Variants in SNTG1 observed in about 807,000 individuals in gnomAD.
SNTG1 encodes gamma-1-syntrophin.
In SNTG1, 39 loss-of-function variants were observed where a neutral mutation model predicts 74.7. The observed-to-expected ratio is 0.52, with a 90% CI of 0.40 to 0.68. SNTG1 has a LOEUF of 0.68. Among genes scored for constraint, SNTG1 ranks in the 30% least tolerant of loss-of-function variants. SNTG1 has a pLI of 0.00. For missense variants in SNTG1, 685 were observed against 609.5 expected, an observed-to-expected ratio of 1.12 and a Z score of -1.30; for synonymous variants, 254 against 217.1, an observed-to-expected ratio of 1.17 and a Z score of -1.49.
Position 50,426,390 on chromosome 8 carries a change from C to T in SNTG1, c.163-12153C>T, listed in dbSNP as rs572096713. Reference sequence around the variant, plus strand: ...TCTAGTTACATCTTAATGATCCTGACCCTGTGTAGGCCTAGGCTAATATGT... The same window carrying T: ...TCTAGTTACATCTTAATGATCCTGATCCTGTGTAGGCCTAGGCTAATATGT... On this transcript the variant is annotated intron_variant, in intron 4 of 18. Coordinates refer to ENST00000642720, the MANE Select transcript of SNTG1 (RefSeq NM_018967.5). Among the ~76,000 whole-genome samples the T allele has an allele frequency of 1.9e-4, 29 of 152,048 alleles. 1 individual carries two copies. In the South Asian group the frequency reaches 6.0e-3, roughly 32 times the overall value.
chr8:50,119,624 T>C (rs2080930731), intron 1 of SNTG1, among the ~76,000 whole-genome samples: 1 of 141,772 alleles, frequency 7.1e-6, no homozygotes, highest in African/African-American at 2.5e-5. Flanking sequence ...ATTATGAAAA[T>C]TAGATGAGAT....
intron 2 of SNTG1, among the ~76,000 whole-genome samples, chr8:50,180,525 A>G (rs2083163455): frequency 3.3e-5 from 5 of 152,180 alleles, no homozygotes; most frequent in Admixed American, 6.5e-5. Context: ...CCACTGAGCT[A>G]TATACTTTAA....
At chr8:50,031,660 G>A (rs1295540155) in intron 1 of SNTG1, among the ~76,000 whole-genome samples, 4 of 152,010 alleles carry the variant, frequency 2.6e-5, no homozygotes, top group African/African-American at 9.7e-5. Context: ...AACTAGACTT[G>A]CGACACTAGA....
chr8:49,938,643 C>CTTTCTTTCTTTCTTT (rs1563371305), intron 1 of SNTG1, among the ~76,000 whole-genome samples: 6 of 106,300 alleles, frequency 5.6e-5, no homozygotes, highest in African/African-American at 1.1e-4. Context: ...TTCTTTCTTT[C>CTTTCTTTCTTTCTTT]CTTCCTCTCT....
intron 1 of SNTG1, among the ~76,000 whole-genome samples, chr8:49,940,332 C>T (rs2129373922): frequency 6.6e-6 from 1 of 152,230 alleles, no homozygotes; most frequent in South Asian, 2.1e-4. Context: ...GCTGTGCCCA[C>T]TCTTGGGGTG....
intron 9 of SNTG1, among the ~76,000 whole-genome samples, chr8:50,528,792 CT>C (rs2094242622): frequency 6.6e-6 from 1 of 151,030 alleles, no homozygotes; most frequent in African/African-American, 2.4e-5. Context: ...TATTTTCTGT[CT>C]CTTTTTTCTA....
At chr8:50,406,287 T>A (rs1195778462) in intron 4 of SNTG1, among the ~76,000 whole-genome samples, 1 of 152,164 alleles carries the variant, frequency 6.6e-6, no homozygotes, top group Non-Finnish European at 1.5e-5. Context: ...CCTTAGTACT[T>A]GATAATTTTT....
intron 12 of SNTG1, among the ~76,000 whole-genome samples, chr8:50,568,054 C>T (rs902761784): frequency 1.3e-5 from 2 of 152,084 alleles, no homozygotes; most frequent in African/African-American, 2.4e-5. Context: ...CTACTCTCTA[C>T]TTCTGTGAAA....
intron 1 of SNTG1, among the ~76,000 whole-genome samples, chr8:50,077,062 G>A (rs1821958927): frequency 6.6e-6 from 1 of 152,106 alleles, no homozygotes; most frequent in African/African-American, 2.4e-5. Flanking sequence ...CTGGCTTAAC[G>A]TTCTATATTT....
chr8:50,010,440 A>AT (rs1815668072), intron 1 of SNTG1, among the ~76,000 whole-genome samples: 1 of 152,224 alleles, frequency 6.6e-6, no homozygotes, highest in South Asian at 2.1e-4. Context: ...TGTCATAGCC[A>AT]TTTTTCATTC....
chr8:50,330,269 G>A (rs2090912102), intron 2 of SNTG1, among the ~76,000 whole-genome samples: 3 of 152,034 alleles, frequency 2.0e-5, no homozygotes, highest in African/African-American at 7.2e-5. Flanking sequence ...CATGAGAAAG[G>A]ATCTGTTTGT....
At chr8:50,342,093 G>A (rs752272094) in intron 2 of SNTG1, among the ~76,000 whole-genome samples, 4 of 151,928 alleles carry the variant, frequency 2.6e-5, no homozygotes, top group Non-Finnish European at 4.4e-5. Flanking sequence ...GTCATTACTT[G>A]CAGAATGACA....
At chr8:49,974,953 T>A (rs1440898354) in intron 1 of SNTG1, among the ~76,000 whole-genome samples, 1 of 151,550 alleles carries the variant, frequency 6.6e-6, no homozygotes, top group African/African-American at 2.4e-5. Context: ...AATTGCGGAG[T>A]GAAACTAGAG....
At chr8:50,756,749 T>G (rs2095581576) in intron 18 of SNTG1, among the ~76,000 whole-genome samples, 1 of 151,760 alleles carries the variant, frequency 6.6e-6, no homozygotes, top group African/African-American at 2.4e-5. Flanking sequence ...ATGGCTATTC[T>G]GTGTCTTTTG....
Position 50,614,126 on chromosome 8 carries a change from G to T in SNTG1, c.849+23209G>T, listed in dbSNP as rs180904636. 7.6e-4 allele frequency among the ~76,000 whole-genome samples: 116 copies of T among 152,010 alleles called. 2 individuals are homozygous for T. In the South Asian group the frequency reaches 9.8e-3, roughly 13 times the overall value. The stretch of plus-strand genomic sequence containing the variant: ...CTTATTTTTAATCAACATTTATTTA[G>T]ATATTATTTAATGACTTAAGAAACA... On this transcript the variant is annotated intron_variant, in intron 13 of 18. Coordinates refer to ENST00000642720, the MANE Select transcript of SNTG1 (RefSeq NM_018967.5).
intron 1 of SNTG1, among the ~76,000 whole-genome samples, chr8:50,001,147 T>C (rs1469001143): frequency 2.0e-5 from 3 of 150,740 alleles, no homozygotes; most frequent in African/African-American, 7.3e-5. Context: ...GAGTGGGGAG[T>C]GGGTGTGCAG....
chr8:50,205,880 A>G (rs1327326711), intron 2 of SNTG1, among the ~76,000 whole-genome samples: 1 of 151,932 alleles, frequency 6.6e-6, no homozygotes, highest in East Asian at 1.9e-4. Context: ...AGAGTTGTAG[A>G]TGTGTGGTAT....
At chr8:50,496,020 G>A (rs112871803) in intron 8 of SNTG1, among the ~76,000 whole-genome samples, 6 of 152,230 alleles carry the variant, frequency 3.9e-5, no homozygotes, top group Non-Finnish European at 5.9e-5. Context: ...TGGTTTCCAC[G>A]TATAGTCAGT....
intron 2 of SNTG1, among the ~76,000 whole-genome samples, chr8:50,379,644 A>T (rs1587393596): frequency 6.6e-6 from 1 of 152,366 alleles, no homozygotes; most frequent in African/African-American, 2.4e-5. Flanking sequence ...CGCTCCAGAC[A>T]GCCTGCTGCT....
Sources: allele counts gnomAD v4.1 joint callset (sites outside exome capture counted in the v4.1 genomes callset), GRCh38; gene constraint gnomAD v4.1.1; transcripts MANE v1.5; gene names NCBI Gene and HGNC (gene_info 2026-07-23, HGNC 2026-07-21).